The following ASTN1 variants were observed in gnomAD, a reference collection of about 807,000 sequenced individuals.
ASTN1 encodes the protein astrotactin-1.
Under a neutral mutation model 140.7 loss-of-function variants are expected in ASTN1, and 41 were observed. The observed-to-expected ratio is 0.29, with a 90% CI of 0.23 to 0.38. ASTN1 has a LOEUF of 0.38. Ranked by LOEUF, ASTN1 falls within the 10% of genes least tolerant of loss-of-function variation. ASTN1 has a pLI of 1.00. For synonymous variants in ASTN1, 640 were observed against 652.2 expected (o/e 0.98, Z 0.29); for missense variants, 1,479 against 1,678.8 (o/e 0.88, Z 2.08).
intron 16 of ASTN1, among the ~76,000 whole-genome samples, chr1:176,904,391 G>C (rs1571487107): frequency 6.6e-6 from 1 of 152,268 alleles, no homozygotes; most frequent in Non-Finnish European, 1.5e-5. Flanking sequence ...ATAGAGATTC[G>C]GAGTCACAGC....
chr1:177,157,978 G>C (rs898433275), intron 1 of ASTN1, among the ~76,000 whole-genome samples: 1 of 152,080 alleles, frequency 6.6e-6, no homozygotes, highest in Non-Finnish European at 1.5e-5. Context: ...ATTGATGAAG[G>C]TGCCACCTTG....
At chr1:176,960,775 T>A (rs1355370994) in intron 9 of ASTN1, among the ~76,000 whole-genome samples, 1 of 152,188 alleles carries the variant, frequency 6.6e-6, no homozygotes, top group Non-Finnish European at 1.5e-5. Flanking sequence ...TCTCACCTCT[T>A]TGCTTTTGCT....
chr1:177,024,792 C>T, intron 5 of ASTN1, 60 bp from the exon 6 acceptor site: 4 of 1,569,260 alleles, frequency 2.5e-6, no homozygotes, highest in Non-Finnish European at 3.5e-6. Flanking sequence ...GAGAGTCCAA[C>T]TTGGCTTTTT....
At chr1:177,010,636 G>A (rs545128783) in intron 8 of ASTN1, among the ~76,000 whole-genome samples, 1 of 152,164 alleles carries the variant, frequency 6.6e-6, no homozygotes, top group Non-Finnish European at 1.5e-5. Context: ...GAAGTGACTA[G>A]CTTCACCACT....
In ASTN1 at chr1:176,992,405, C is replaced by T. The variant is rs138260904; in HGVS notation, c.1523+22386G>A. 6.1e-3 allele frequency among the ~76,000 whole-genome samples: 922 copies of T among 151,402 alleles called. 7 individuals are homozygous for T. The highest frequency in any genetic ancestry group is 0.013 in the Admixed American group (199 of 15,210). ...AGTGACCTTCTGGGTTGGATCCTGC[C>T]CTTAAGAAAAAAAAAAAAATTTGCC... On this transcript the variant is annotated intron_variant, in intron 8 of 22. Transcript: ENST00000361833.
At chr1:177,018,325 G>C (rs1675658516) in intron 7 of ASTN1, among the ~76,000 whole-genome samples, 1 of 152,106 alleles carries the variant, frequency 6.6e-6, no homozygotes, top group Non-Finnish European at 1.5e-5. Flanking sequence ...TGCCAAATTA[G>C]GTAAAAATCC....
chr1:176,962,794 T>G (rs946099144), intron 9 of ASTN1, among the ~76,000 whole-genome samples: 1 of 152,208 alleles, frequency 6.6e-6, no homozygotes, highest in African/African-American at 2.4e-5. Flanking sequence ...ATCGGTCATT[T>G]TTAAAGCACA....
At chr1:177,024,239 T>C (rs185550656) in intron 6 of ASTN1, among the ~76,000 whole-genome samples, 1 of 152,320 alleles carries the variant, frequency 6.6e-6, no homozygotes, top group Non-Finnish European at 1.5e-5. Context: ...CCTCTACTAC[T>C]CCACTTAGCT....
intron 1 of ASTN1, among the ~76,000 whole-genome samples, chr1:177,067,531 T>C (rs2102046826): frequency 6.6e-6 from 1 of 152,302 alleles, no homozygotes; most frequent in South Asian, 2.1e-4. Flanking sequence ...TGATGGTAGG[T>C]CTAGTTTCCC....
chr1:177,119,698 C>G (rs1490575252), intron 1 of ASTN1, among the ~76,000 whole-genome samples: 1 of 152,208 alleles, frequency 6.6e-6, no homozygotes, highest in Admixed American at 6.5e-5. Context: ...CTGGAGTGGC[C>G]TTGACCACTA....
intron 1 of ASTN1, among the ~76,000 whole-genome samples, chr1:177,150,629 C>T (rs997044125): frequency 1.7e-4 from 26 of 151,916 alleles, no homozygotes; most frequent in Non-Finnish European, 2.6e-4. Flanking sequence ...ATTTGTGGTT[C>T]GAGTAGGGCC....
intron 16 of ASTN1, among the ~76,000 whole-genome samples, chr1:176,918,158 T>G (rs1367809414): frequency 2.0e-5 from 3 of 152,020 alleles, no homozygotes; most frequent in African/African-American, 4.8e-5. Context: ...GTAGTCTTCT[T>G]TGCGGCACCC....
intron 1 of ASTN1, among the ~76,000 whole-genome samples, chr1:177,139,503 A>G (rs1027489731): frequency 3.9e-5 from 6 of 152,244 alleles, no homozygotes; most frequent in Non-Finnish European, 8.8e-5. Flanking sequence ...TATAATTTAA[A>G]TCAAGGAAGG....
At chr1:176,972,266 C>G (rs1571588064) in intron 8 of ASTN1, among the ~76,000 whole-genome samples, 2 of 152,044 alleles carry the variant, frequency 1.3e-5, no homozygotes, top group South Asian at 2.1e-4. Flanking sequence ...AAAATGGTGC[C>G]TCGAGTTATT....
At chr1:177,023,129 C>G (rs1184663057) in intron 7 of ASTN1, among the ~76,000 whole-genome samples, 1 of 152,182 alleles carries the variant, frequency 6.6e-6, no homozygotes, top group Non-Finnish European at 1.5e-5. Flanking sequence ...TAAATATCCC[C>G]TGACTATGGG....
At chr1:176,961,981 G>C (rs1672684994) in intron 9 of ASTN1, among the ~76,000 whole-genome samples, 1 of 152,210 alleles carries the variant, frequency 6.6e-6, no homozygotes, top group Non-Finnish European at 1.5e-5. Flanking sequence ...ACTCACCAGA[G>C]AGTGCTCTCA....
chr1:176,950,398 G>A (rs190863959), intron 11 of ASTN1, among the ~76,000 whole-genome samples: 8 of 152,270 alleles, frequency 5.3e-5, no homozygotes, highest in Admixed American at 5.2e-4. Flanking sequence ...TTCATCATTA[G>A]CACACACCAC....
chr1:177,122,764 G>A (rs925626206), intron 1 of ASTN1, among the ~76,000 whole-genome samples: 1 of 152,192 alleles, frequency 6.6e-6, no homozygotes, highest in African/African-American at 2.4e-5. Context: ...AGAGGTGACA[G>A]GAATTATCCT....
At chr1:177,104,560 CG>C (rs1680457556) in intron 1 of ASTN1, among the ~76,000 whole-genome samples, 1 of 152,096 alleles carries the variant, frequency 6.6e-6, no homozygotes, top group African/African-American at 2.4e-5. Context: ...TCCCCACATA[CG>C]TTCACCAAAC....
Sources: gnomAD v4.1 joint callset for allele counts (sites outside exome capture counted in the v4.1 genomes callset) on GRCh38, gnomAD v4.1.1 for gene constraint, MANE v1.5 for transcripts, NCBI Gene and HGNC (gene_info 2026-07-23, HGNC 2026-07-21) for gene names.